Variants in GRK1 observed in about 807,000 individuals in gnomAD.
GRK1 encodes rhodopsin kinase GRK1.
A neutral mutation model predicts 41.7 loss-of-function variants in GRK1; 28 were observed. That is an observed-to-expected ratio of 0.67 (90% CI 0.50 to 0.92). The LOEUF is 0.92. Ranked by LOEUF, GRK1 falls within the 40% of genes least tolerant of loss-of-function variation. The probability of loss-of-function intolerance (pLI) is 0.00; values close to 1 mark genes in which losing one functional copy is unlikely to be tolerated. For missense variants in GRK1, 703 were observed against 671.2 expected, an observed-to-expected ratio of 1.05 and a Z score of -0.52; for synonymous variants, 327 against 286.7, an observed-to-expected ratio of 1.14 and a Z score of -1.42.
chr13:113,658,597 G>C, the GRK1 span, among the ~76,000 whole-genome samples: 2 of 152,238 alleles, frequency 1.3e-5, no homozygotes, highest in African/African-American at 4.8e-5. Context: ...GAGGGCGTGA[G>C]GCAGGCGAGT....
the GRK1 span, among the ~76,000 whole-genome samples, chr13:113,657,638 G>A: frequency 2.0e-5 from 3 of 152,264 alleles, no homozygotes; most frequent in South Asian, 6.2e-4. Flanking sequence ...CGTCTCGGCA[G>A]AGCCCCTTAT....
chr13:113,727,658 GACCCATGGCGATGAGGAGT>G (rs1566696567), intron 4 of GRK1, among the ~76,000 whole-genome samples: 13 of 135,586 alleles, frequency 9.6e-5, no homozygotes, highest in African/African-American at 3.6e-4. Flanking sequence ...TGGCGATGAG[GACCCATGGCGATGAGGAGT>G]ACCCATGGCG....
the GRK1 span, among the ~76,000 whole-genome samples, chr13:113,662,130 G>A: frequency 2.6e-5 from 4 of 152,300 alleles, no homozygotes; most frequent in Non-Finnish European, 5.9e-5. Context: ...ATGACCAAGC[G>A]GGATGTATTC....
chr13:113,649,243 A>G, the GRK1 span: 2 of 1,134,028 alleles, frequency 1.8e-6, no homozygotes, highest in Non-Finnish European at 2.4e-6. The surrounding 1 kb of genome is among the most constrained non-coding windows in gnomAD (Gnocchi z 4.7). Context: ...GAGTTCGCAC[A>G]CTGACAACAC....
the GRK1 span, among the ~76,000 whole-genome samples, chr13:113,653,900 T>C: frequency 1.3e-5 from 2 of 152,210 alleles, no homozygotes; most frequent in Non-Finnish European, 2.9e-5. Context: ...ACTTTCCCGA[T>C]GTGAACCGTC....
At chr13:113,733,135 G>A (rs1479412806) in intron 6 of GRK1, 50 bp downstream of exon 6, 2 of 1,492,696 alleles carry the variant, frequency 1.3e-6, no homozygotes, top group Non-Finnish European at 1.8e-6. Context: ...TGTGCTGTGT[G>A]GCCCTTGGGT....
the GRK1 span, among the ~76,000 whole-genome samples, chr13:113,657,056 C>T: frequency 2.0e-5 from 3 of 152,230 alleles, no homozygotes; most frequent in Non-Finnish European, 2.9e-5. Context: ...CCCTTTGAGA[C>T]CGTGGAGCCT....
At chr13:113,672,091 G>C (rs1359068080) in intron 3 of GRK1, among the ~76,000 whole-genome samples, 5 of 152,044 alleles carry the variant, frequency 3.3e-5, no homozygotes, top group African/African-American at 1.2e-4. Flanking sequence ...GCTGTGGCAC[G>C]GCCGGCCCTC....
At chr13:113,650,107 G>T in the GRK1 span, among the ~76,000 whole-genome samples, 1 of 151,776 alleles carries the variant, frequency 6.6e-6, no homozygotes, top group East Asian at 1.9e-4. The surrounding 1 kb of genome is among the most constrained non-coding windows in gnomAD (Gnocchi z 5.0). Context: ...AGGCTGCAAT[G>T]AGCTAAGATG....
At position 113,733,013 on chromosome 13, in the gene GRK1, A is replaced by T. The variant is rs1422960798; in HGVS notation, c.1324A>T (p.Arg442Ter). Reference sequence around the variant, plus strand: ...GGACCCGGAGAAGCGCCTGGGGTTCAGAGATGAGACCTGCGACAAGCTCCG... The same window carrying T: ...GGACCCGGAGAAGCGCCTGGGGTTCTGAGATGAGACCTGCGACAAGCTCCG... ...EKDPEKRLGF[R>*]DETCDKLRAH... is the part of the protein sequence containing the mutation. The change falls in exon 6 of 7, where the codon AGA becomes TGA. Residue 442 changes from arginine to a stop codon, truncating the protein, a stop_gained. Transcript: ENST00000335678. LOFTEE classifies it high-confidence loss of function. 1 of 1,537,030 alleles carries T rather than the reference A, an allele frequency of 6.5e-7. No individual in the cohort carries two copies. Among genetic ancestry groups the T allele is most frequent in the Non-Finnish European group, 8.7e-7 (1 of 1,146,920 alleles).
At chr13:113,669,581 T>C in intron 1 of GRK1, 106 bp from the exon 2 acceptor site, 1 of 1,382,238 alleles carries the variant, frequency 7.2e-7, no homozygotes, top group South Asian at 1.2e-5. Context: ...TTGCGACTGC[T>C]CCGTGGCTGT....
Position 113,732,870 on chromosome 13 carries a change from G to A in GRK1, c.1195-14G>A, listed in dbSNP as rs1165342277. 7.2e-6 allele frequency: 11 copies of A among 1,535,864 alleles called. No homozygotes were observed. The highest frequency in any genetic ancestry group is 7.8e-6 in the Non-Finnish European group (9 of 1,146,654). On this transcript the variant is annotated splice_polypyrimidine_tract_variant and intron_variant, in intron 5 of 6. Transcript: ENST00000335678. ...GCGGGTCTGGCAGGGCTAAGGCTAC[G>A]CGTGTCCCCACAGGTGGAGAACAAG...
chr13:113,727,722 G>A (rs1244055546), intron 4 of GRK1, among the ~76,000 whole-genome samples: 1 of 114,754 alleles, frequency 8.7e-6, no homozygotes, highest in Non-Finnish European at 1.8e-5. Context: ...TACCCATGGC[G>A]ATGAGGAGTA....
chr13:113,667,252 C>A lies in GRK1; in HGVS notation c.-135C>A. ...CCAGGAACCCTCGACAGGGCCAGGG[C>A]GTCTCTCTCGTCCAGCAAGGGCAGG... On this transcript the variant is annotated 5_prime_UTR_variant, in exon 1 of 7. Coordinates refer to ENST00000335678, the MANE Select transcript of GRK1 (RefSeq NM_002929.3). This position sits in a 1 kb window ranked among gnomAD's most constrained non-coding sequence, Gnocchi z 7.5. 3.5e-6 allele frequency: 3 copies of A among 866,578 alleles called. No homozygotes were observed. Among genetic ancestry groups the A allele is most frequent in the South Asian group, 1.9e-5 (1 of 53,124 alleles). The allele number at this position is 866,578 out of a possible 1,614,324, so 53.7% of individuals were successfully genotyped here. A position where few individuals can be genotyped will look rare whatever the true frequency, so the allele number is the denominator to read the frequency against.
At chr13:113,653,368 T>C in the GRK1 span, 3 of 1,614,226 alleles carry the variant, frequency 1.9e-6, no homozygotes, top group Non-Finnish European at 2.5e-6. Context: ...CCAGGTTCTG[T>C]TATCAGAGAC....
chr13:113,656,133 C>T, the GRK1 span, among the ~76,000 whole-genome samples: 2 of 152,212 alleles, frequency 1.3e-5, no homozygotes, highest in Admixed American at 1.3e-4. Context: ...GTGTGGGGCC[C>T]GCAGTGGTGG....
rs535213365 is a variant in GRK1 at position 113,669,124 on chromosome 13, T to C, written c.700-563T>C. The stretch of plus-strand genomic sequence containing the variant: ...ACTTCCGTCACCAAACTGAACTCCA[T>C]ACTGACATCAACTGAACACCTCCCC... On this transcript the variant is annotated intron_variant, in intron 1 of 6. Transcript: ENST00000335678. Among the ~76,000 whole-genome samples the C allele has an allele frequency of 3.6e-4, 55 of 152,340 alleles. 1 individual carries two copies. Among genetic ancestry groups the C allele is most frequent in the African/African-American group, 1.2e-3 (49 of 41,568 alleles).
rs79087272 is a variant in GRK1, at chr13:113,667,246, C to A, written c.-141C>A. 1 of 838,872 alleles carries A rather than the reference C, an allele frequency of 1.2e-6. No homozygotes were observed. The highest frequency in any genetic ancestry group is 2.9e-5 in the Admixed American group (1 of 34,116). 52.0% of individuals were successfully genotyped at this position (838,872 alleles called of 1,614,324 possible). A position where few individuals can be genotyped will look rare whatever the true frequency, so the allele number is the denominator to read the frequency against. The stretch of plus-strand genomic sequence containing the variant: ...TGGTCCCCAGGAACCCTCGACAGGG[C>A]CAGGGCGTCTCTCTCGTCCAGCAAG... On this transcript the variant is annotated 5_prime_UTR_variant, in exon 1 of 7. Transcript: ENST00000335678. This position sits in a 1 kb window ranked among gnomAD's most constrained non-coding sequence, Gnocchi z 7.5.
In GRK1 at chr13:113,731,309, C is replaced by T. The variant is rs766150912; in HGVS notation, c.1160C>T (p.Ala387Val). ...GGGGTCACCCTGTATGAGATGATTG[C>T]GGCCAGAGGACCCTTCCGAGCCCGT... The part of the protein sequence containing the change: ...ALGVTLYEMI[A>V]ARGPFRARGE... Residue 387 changes from alanine (A) to valine (V), a missense_variant, in exon 5 of 7, where the codon GCG becomes GTG. Coordinates refer to ENST00000335678, the MANE Select transcript of GRK1 (RefSeq NM_002929.3). The surrounding 1 kb of genome is among the most constrained non-coding windows in gnomAD (Gnocchi z 5.6). The T allele has an allele frequency of 6.6e-5, 101 of 1,536,858 alleles. 1 individual carries two copies. Among genetic ancestry groups the T allele is most frequent in the South Asian group, 6.2e-4 (52 of 84,052 alleles).
Sources: allele counts gnomAD v4.1 joint callset (sites outside exome capture counted in the v4.1 genomes callset), GRCh38; gene constraint gnomAD v4.1.1; non-coding constraint Gnocchi (gnomAD v3.1); transcripts MANE v1.5; gene names NCBI Gene and HGNC (gene_info 2026-07-23, HGNC 2026-07-21).